The following DRC8 variants were observed in gnomAD, a reference collection of about 807,000 sequenced individuals.
DRC8 encodes dynein regulatory complex protein 8.
At chr1:245,061,857 G>C in the DRC8 span, among the ~76,000 whole-genome samples, 1 of 152,202 alleles carries the variant, frequency 6.6e-6, no homozygotes, top group Non-Finnish European at 1.5e-5. Context: ...TGCAATCCCA[G>C]CACTTGGGGA....
chr1:245,102,388 C>T, the DRC8 span, among the ~76,000 whole-genome samples: 2 of 151,966 alleles, frequency 1.3e-5, no homozygotes, highest in African/African-American at 2.4e-5. Context: ...CTCATTCTGT[C>T]GCCCAGGCTG....
the DRC8 span, chr1:245,075,589 G>A: frequency 2.0e-4 from 30 of 152,148 alleles, no homozygotes; most frequent in African/African-American, 4.3e-4. Context: ...GAAGCCAGGC[G>A]TATCAGGGCC....
At chr1:245,040,169 C>T in the DRC8 span, among the ~76,000 whole-genome samples, 2 of 152,186 alleles carry the variant, frequency 1.3e-5, no homozygotes, top group African/African-American at 2.4e-5. Context: ...GGCTTGTTCT[C>T]ATTTTGTTGG....
chr1:245,105,822 A>G, the DRC8 span, among the ~76,000 whole-genome samples: 1 of 152,160 alleles, frequency 6.6e-6, no homozygotes, highest in Admixed American at 6.5e-5. Context: ...CACGCCCATA[A>G]TCCCAACACT....
chr1:245,109,854 G>A, the DRC8 span, among the ~76,000 whole-genome samples: 1 of 152,208 alleles, frequency 6.6e-6, no homozygotes, highest in African/African-American at 2.4e-5. Context: ...CCTCAGCTCG[G>A]CGGTGGCCTG....
chr1:245,071,190 T>C, the DRC8 span, among the ~76,000 whole-genome samples: 1 of 152,172 alleles, frequency 6.6e-6, no homozygotes, highest in African/African-American at 2.4e-5. Flanking sequence ...TACCTGACAA[T>C]GTGGAAGTGG....
the DRC8 span, among the ~76,000 whole-genome samples, chr1:245,053,458 C>G: frequency 6.6e-6 from 1 of 152,168 alleles, no homozygotes; most frequent in Admixed American, 6.5e-5. Context: ...GGCCCCAGAG[C>G]TCAATGGAGA....
the DRC8 span, among the ~76,000 whole-genome samples, chr1:245,113,029 C>T: frequency 1.3e-5 from 2 of 152,258 alleles, no homozygotes. Context: ...GTTGGGATTA[C>T]AGGCGTGAGC....
chr1:245,085,091 A>G, the DRC8 span, among the ~76,000 whole-genome samples: 3 of 152,212 alleles, frequency 2.0e-5, no homozygotes, highest in Admixed American at 6.5e-5. Flanking sequence ...TATATGTTTA[A>G]TATTTAGTAA....
chr1:244,976,231 T>G, the DRC8 span, among the ~76,000 whole-genome samples: 4 of 152,070 alleles, frequency 2.6e-5, no homozygotes, highest in African/African-American at 9.7e-5. Flanking sequence ...ATCGCAGCAT[T>G]GCACTCCAGC....
At chr1:245,105,951 T>A in the DRC8 span, among the ~76,000 whole-genome samples, 6 of 152,154 alleles carry the variant, frequency 3.9e-5, no homozygotes, top group Non-Finnish European at 7.3e-5. Flanking sequence ...TGGTGGCACA[T>A]GCCTGTAGTC....
chr1:245,046,232 C>T, the DRC8 span, among the ~76,000 whole-genome samples: 1 of 152,070 alleles, frequency 6.6e-6, no homozygotes, highest in Non-Finnish European at 1.5e-5. Flanking sequence ...TTATTTTCAT[C>T]ATTAAGCTAT....
chr1:244,992,508 G>A, the DRC8 span, among the ~76,000 whole-genome samples: 1 of 152,288 alleles, frequency 6.6e-6, no homozygotes, highest in Non-Finnish European at 1.5e-5. Flanking sequence ...GGAGGCTCAG[G>A]CGGGCAGATT....
At chr1:245,106,937 G>A in the DRC8 span, among the ~76,000 whole-genome samples, 1 of 152,128 alleles carries the variant, frequency 6.6e-6, no homozygotes, top group African/African-American at 2.4e-5. Flanking sequence ...CCAGCCACTC[G>A]GGAGGCTGAG....
At chr1:245,119,882 T>C in the DRC8 span, among the ~76,000 whole-genome samples, 3 of 147,932 alleles carry the variant, frequency 2.0e-5, no homozygotes, top group Non-Finnish European at 4.5e-5. Flanking sequence ...GCAGTGAGCC[T>C]AGATCATGCA....
the DRC8 span, among the ~76,000 whole-genome samples, chr1:244,980,169 A>G: frequency 2.7e-5 from 4 of 147,016 alleles, no homozygotes; most frequent in Non-Finnish European, 6.0e-5. Flanking sequence ...CAGTGAGCCG[A>G]GATCACGCCA....
the DRC8 span, among the ~76,000 whole-genome samples, chr1:245,029,489 G>C: frequency 6.6e-6 from 1 of 152,026 alleles, no homozygotes; most frequent in African/African-American, 2.4e-5. Context: ...GTAGAGAAGG[G>C]GTTTCACTAT....
the DRC8 span, among the ~76,000 whole-genome samples, chr1:245,053,507 C>A: frequency 6.6e-6 from 1 of 152,084 alleles, no homozygotes; most frequent in East Asian, 1.9e-4. Flanking sequence ...TCATCCAGTG[C>A]AGTAGAGGAA....
the DRC8 span, chr1:245,082,112 T>C: frequency 4.3e-6 from 7 of 1,612,772 alleles, no homozygotes; most frequent in Non-Finnish European, 5.9e-6. Context: ...CTGGATACAT[T>C]CGATTCGAAA....
Sources: allele counts gnomAD v4.1 joint callset (sites outside exome capture counted in the v4.1 genomes callset), GRCh38; gene constraint gnomAD v4.1.1; transcripts MANE v1.5; gene names NCBI Gene and HGNC (gene_info 2026-07-23, HGNC 2026-07-21).